The following LGR6 variants were observed in gnomAD, a reference collection of about 807,000 sequenced individuals.
The protein encoded by LGR6 is leucine rich repeat containing G protein-coupled receptor 6.
LGR6 carries 45 observed loss-of-function variants against 69.4 expected under a neutral mutation model. The ratio of observed to expected loss-of-function variants is 0.65; its 90% CI spans 0.51 to 0.83. The LOEUF is 0.83. Among genes scored for constraint, LGR6 ranks in the 40% least tolerant of loss-of-function variants. The probability of loss-of-function intolerance (pLI) is 0.00; values close to 1 mark genes in which losing one functional copy is unlikely to be tolerated. For synonymous variants in LGR6, 538 were observed against 555.0 expected (o/e 0.97, Z 0.43); for missense variants, 1,108 against 1,246.7 (o/e 0.89, Z 1.68).
intron 6 of LGR6, among the ~76,000 whole-genome samples, chr1:202,294,461 C>T (rs1270165591): frequency 6.6e-6 from 1 of 152,144 alleles, no homozygotes; most frequent in Non-Finnish European, 1.5e-5. Context: ...GGAGCCATCC[C>T]CTGGGCTCAT....
intron 1 of LGR6, among the ~76,000 whole-genome samples, chr1:202,221,110 C>T (rs1660126110): frequency 6.6e-6 from 1 of 152,042 alleles, no homozygotes; most frequent in Non-Finnish European, 1.5e-5. Flanking sequence ...TCCAGCGGGG[C>T]AGGTGGGCAC....
intron 10 of LGR6, among the ~76,000 whole-genome samples, chr1:202,304,184 C>T (rs1405189015): frequency 6.6e-6 from 1 of 152,190 alleles, no homozygotes; most frequent in East Asian, 1.9e-4. Flanking sequence ...TGCCCATGGA[C>T]ATCCCCTCCT....
At chr1:202,220,849 A>G (rs1660107667) in intron 1 of LGR6, among the ~76,000 whole-genome samples, 1 of 149,708 alleles carries the variant, frequency 6.7e-6, no homozygotes, top group African/African-American at 2.5e-5. Flanking sequence ...CTCCTATCAG[A>G]CACACACACA....
intron 2 of LGR6, among the ~76,000 whole-genome samples, chr1:202,226,958 T>C (rs868739078): frequency 1.8e-4 from 27 of 152,220 alleles, no homozygotes; most frequent in African/African-American, 5.8e-4. Context: ...GCAGGTGACA[T>C]TGGACACGAC....
chr1:202,271,016 C>T (rs939488202), intron 4 of LGR6, among the ~76,000 whole-genome samples: 5 of 152,190 alleles, frequency 3.3e-5, no homozygotes, highest in African/African-American at 1.2e-4. Flanking sequence ...GCTAATCTGC[C>T]CCATTACTGC....
At position 202,280,819 on chromosome 1, in the gene LGR6, A is replaced by C. The variant is rs2148181599; in HGVS notation, c.683A>C (p.His228Pro). The C allele has an allele frequency of 1.2e-6, 2 of 1,614,176 alleles. No homozygotes were observed. Among genetic ancestry groups the C allele is most frequent in the Middle Eastern group, 3.3e-4 (2 of 6,062 alleles). The change falls in exon 6 of 18, where the codon CAC (histidine) becomes CCC (proline). Residue 228 changes from histidine to proline, a missense_variant. His to Pro is a moderately conservative substitution (Grantham distance 77). Transcript: ENST00000367278. The part of the protein sequence containing the change: ...HNNRIQHLGT[H>P]SFEGLHNLET... ...AACCGCATCCAGCATCTGGGGACCC[A>C]CAGCTTCGAGGGGCTGCACAATCTG...
chr1:202,261,030 A>C (rs1455645159), intron 4 of LGR6, among the ~76,000 whole-genome samples: 6 of 151,410 alleles, frequency 4.0e-5, no homozygotes, highest in African/African-American at 1.2e-4. Context: ...CTTGGGATAC[A>C]ATAAACATCT....
At chr1:202,263,311 C>T (rs200254845) in intron 4 of LGR6, among the ~76,000 whole-genome samples, 33 of 151,790 alleles carry the variant, frequency 2.2e-4, no homozygotes, top group East Asian at 7.7e-4. Context: ...TTAGTAGAGA[C>T]GGGGGTTTCA....
At chr1:202,206,032 A>G (rs1372072966) in intron 1 of LGR6, among the ~76,000 whole-genome samples, 2 of 151,884 alleles carry the variant, frequency 1.3e-5, no homozygotes, top group Non-Finnish European at 2.9e-5. Flanking sequence ...TCAGGACAGG[A>G]CTGTAAACAG....
chr1:202,240,459 C>T (rs1662092674), intron 4 of LGR6, among the ~76,000 whole-genome samples: 1 of 151,568 alleles, frequency 6.6e-6, no homozygotes, highest in Non-Finnish European at 1.5e-5. Context: ...AGGGGATGTG[C>T]TGAGGCCCCT....
At chr1:202,284,091 C>A (rs1168424323) in intron 6 of LGR6, among the ~76,000 whole-genome samples, 1 of 152,198 alleles carries the variant, frequency 6.6e-6, no homozygotes, top group East Asian at 1.9e-4. Flanking sequence ...ACTGTTAAGA[C>A]CTCTCTTGTT....
chr1:202,200,233 C>G (rs1272799006), intron 1 of LGR6, among the ~76,000 whole-genome samples: 1 of 152,244 alleles, frequency 6.6e-6, no homozygotes, highest in Admixed American at 6.5e-5. Flanking sequence ...GTGGGAGACT[C>G]TCCAAAGAGG....
chr1:202,232,039 C>T (rs1240423077), intron 3 of LGR6, among the ~76,000 whole-genome samples: 2 of 151,306 alleles, frequency 1.3e-5, no homozygotes, highest in Non-Finnish European at 2.9e-5. Flanking sequence ...TTGCAGTGAG[C>T]AACCTCCTTG....
At chr1:202,240,170 C>A (rs985946682) in intron 4 of LGR6, among the ~76,000 whole-genome samples, 2 of 152,066 alleles carry the variant, frequency 1.3e-5, no homozygotes, top group Admixed American at 1.3e-4. Context: ...CTCAGGAGTT[C>A]AAGACCAGCC....
At chr1:202,301,639 A>G (rs1165720749) in intron 9 of LGR6, among the ~76,000 whole-genome samples, 1 of 152,174 alleles carries the variant, frequency 6.6e-6, no homozygotes, top group African/African-American at 2.4e-5. Flanking sequence ...TTGCTGTGCC[A>G]TCGTTATCAC....
chr1:202,225,347 G>C lies in LGR6; in HGVS notation c.213-76G>C, dbSNP rs777801497. On this transcript the variant is annotated intron_variant, in intron 1 of 17. Coordinates refer to ENST00000367278, the MANE Select transcript of LGR6 (RefSeq NM_001017403.2). ...TGGGAGCCTCGGAGGTCCCTCGAGG[G>C]GGGTTGGCACCTGGACAGTGCCAGA... The C allele has an allele frequency of 1.5e-5, 21 of 1,361,110 alleles. 1 individual carries two copies. In the South Asian group the frequency reaches 2.4e-4, roughly 16 times the overall value. The allele number at this position is 1,361,110 out of a possible 1,614,324, so 84.3% of individuals were successfully genotyped here.
intron 3 of LGR6, among the ~76,000 whole-genome samples, 186 bp downstream of exon 3, chr1:202,228,193 G>A (rs1410930646): frequency 6.6e-6 from 1 of 152,154 alleles, no homozygotes; most frequent in African/African-American, 2.4e-5. Flanking sequence ...TTTATGATTT[G>A]TAAATAAACA....
intron 4 of LGR6, among the ~76,000 whole-genome samples, chr1:202,274,749 C>T (rs1665396319): frequency 6.6e-6 from 1 of 152,188 alleles, no homozygotes; most frequent in Non-Finnish European, 1.5e-5. Flanking sequence ...AGCCACAGAC[C>T]ATCAAGGGTG....
At chr1:202,207,692 C>A (rs1043058187) in intron 1 of LGR6, among the ~76,000 whole-genome samples, 53 of 152,176 alleles carry the variant, frequency 3.5e-4, no homozygotes, top group Non-Finnish European at 1.2e-4. Flanking sequence ...TTTACCAATC[C>A]TTGGGGAAAG....
Sources: gnomAD v4.1 joint callset for allele counts (sites outside exome capture counted in the v4.1 genomes callset) on GRCh38, gnomAD v4.1.1 for gene constraint, MANE v1.5 for transcripts, NCBI Gene and HGNC (gene_info 2026-07-23, HGNC 2026-07-21) for gene names.